CDC42BPB: variants seen among roughly 807,000 people sequenced by gnomAD.
CDC42BPB encodes the protein serine/threonine-protein kinase MRCK beta.
Under a neutral mutation model 214.9 loss-of-function variants are expected in CDC42BPB, and 37 were observed. That is an observed-to-expected ratio of 0.17 (90% CI 0.13 to 0.23). The LOEUF is 0.23. Ranked by LOEUF, CDC42BPB falls within the 10% of genes least tolerant of loss-of-function variation. CDC42BPB has a pLI of 1.00. For synonymous variants in CDC42BPB, 931 were observed against 884.0 expected (o/e 1.05, Z -0.94); for missense variants, 1,694 against 2,227.0 (o/e 0.76, Z 4.82).
At chr14:102,938,255 C>T (rs1271251959) in intron 35 of CDC42BPB, 51 bp downstream of exon 35, 6 of 1,598,370 alleles carry the variant, frequency 3.8e-6, no homozygotes, top group Non-Finnish European at 4.3e-6. Flanking sequence ...ATTCCAGCAC[C>T]CCCTACCCCC....
intron 6 of CDC42BPB, among the ~76,000 whole-genome samples, chr14:102,984,156 C>T (rs944939320): frequency 2.0e-5 from 3 of 152,216 alleles, no homozygotes; most frequent in African/African-American, 7.2e-5. Context: ...TCTGTCAATA[C>T]CCAAATACCA....
In CDC42BPB at chr14:102,938,097, G is replaced by A. The variant is rs762183290; in HGVS notation, c.5004+7C>T. ...TAGCCTCAGCACTGGACCTGGGCAA[G>A]TCTCACCTCTTTGTCAAAGTCCTGG... On this transcript the variant is annotated splice_region_variant and intron_variant, in intron 36 of 36. Transcript: ENST00000361246. The A allele has an allele frequency of 1.2e-6, 2 of 1,613,816 alleles. No individual in the cohort carries two copies. The highest frequency in any genetic ancestry group is 1.7e-6 in the Non-Finnish European group (2 of 1,179,920).
chr14:103,051,852 GT>G (rs202063784), intron 1 of CDC42BPB, among the ~76,000 whole-genome samples: 4 of 147,718 alleles, frequency 2.7e-5, no homozygotes, highest in Non-Finnish European at 3.0e-5. Context: ...GAGGTTTTTT[GT>G]TTTTTTTTTG....
At chr14:103,019,159 C>T (rs1886631407) in intron 1 of CDC42BPB, among the ~76,000 whole-genome samples, 1 of 152,154 alleles carries the variant, frequency 6.6e-6, no homozygotes, top group Non-Finnish European at 1.5e-5. Flanking sequence ...GTCTAGAACT[C>T]CTGGGCTCAA....
At chr14:103,003,727 A>G (rs1041406970) in intron 4 of CDC42BPB, among the ~76,000 whole-genome samples, 1 of 152,254 alleles carries the variant, frequency 6.6e-6, no homozygotes, top group East Asian at 1.9e-4. Flanking sequence ...AGAAAAAAAC[A>G]AAGTCCTTAC....
At chr14:102,998,375 G>C in intron 5 of CDC42BPB, among the ~76,000 whole-genome samples, 1 of 152,238 alleles carries the variant, frequency 6.6e-6, no homozygotes, top group East Asian at 1.9e-4. Flanking sequence ...ATAGTTACCT[G>C]ACCAAGTGTA....
Position 102,943,666 on chromosome 14 carries a change from C to A in CDC42BPB, c.4408+225G>T. Reference sequence around the variant, plus strand: ...GCTGAGGCCTCTGGAAGAACCGGCCCCATGTGCTCAGGGAGAGAGGTTGCT... The same window carrying A: ...GCTGAGGCCTCTGGAAGAACCGGCCACATGTGCTCAGGGAGAGAGGTTGCT... On this transcript the variant is annotated intron_variant, in intron 30 of 36. Coordinates refer to ENST00000361246, the MANE Select transcript of CDC42BPB (RefSeq NM_006035.4). This position sits in a 1 kb window ranked among gnomAD's most constrained non-coding sequence, Gnocchi z 4.6. The A allele has an allele frequency of 1.8e-6, 1 of 544,394 alleles. No homozygotes were observed. The allele number at this position is 544,394 out of a possible 1,614,324, so 33.7% of individuals were successfully genotyped here.
chr14:103,037,664 GGCCCAAAGCTAAGGGCTTTGTAAA>G (rs1472921526), intron 1 of CDC42BPB, among the ~76,000 whole-genome samples: 1 of 152,158 alleles, frequency 6.6e-6, no homozygotes, highest in African/African-American at 2.4e-5. Flanking sequence ...TCCAAGGACG[GGCCCAAAGCTAAGGGCTTTGTAAA>G]GCCCAAAGCT....
chr14:102,949,671 G>T, intron 26 of CDC42BPB, 94 bp downstream of exon 26: 1 of 1,488,794 alleles, frequency 6.7e-7, no homozygotes, highest in Non-Finnish European at 9.3e-7. Flanking sequence ...AAGTACTAAT[G>T]AGGTGAAAGA....
At chr14:103,039,024 T>C (rs1887833438) in intron 1 of CDC42BPB, among the ~76,000 whole-genome samples, 1 of 151,926 alleles carries the variant, frequency 6.6e-6, no homozygotes, top group Non-Finnish European at 1.5e-5. Flanking sequence ...TTAGATAATC[T>C]AGGTGAAATG....
intron 2 of CDC42BPB, among the ~76,000 whole-genome samples, chr14:103,010,757 C>A (rs1333795822): frequency 6.6e-6 from 1 of 152,214 alleles, no homozygotes; most frequent in Admixed American, 6.5e-5. Context: ...CTTGGCCAGG[C>A]GCGGTGGCTC....
chr14:102,935,024 A>AG (rs1250704829), intron 36 of CDC42BPB, among the ~76,000 whole-genome samples: 1 of 151,820 alleles, frequency 6.6e-6, no homozygotes, highest in East Asian at 1.9e-4. Flanking sequence ...AAAAAAAAAA[A>AG]AAAAAGAAAA....
At chr14:102,978,575 C>T (rs575567766) in intron 8 of CDC42BPB, among the ~76,000 whole-genome samples, 3 of 152,298 alleles carry the variant, frequency 2.0e-5, no homozygotes, top group South Asian at 2.1e-4. Context: ...CTGAGGACCC[C>T]GGACAGAGCC....
intron 1 of CDC42BPB, among the ~76,000 whole-genome samples, chr14:103,025,209 T>C (rs1056748492): frequency 4.6e-5 from 7 of 152,150 alleles, no homozygotes; most frequent in African/African-American, 1.7e-4. Flanking sequence ...GAACTGGTAA[T>C]TCAAGTAAGC....
chr14:102,961,530 A>AC (rs150777406), intron 20 of CDC42BPB, among the ~76,000 whole-genome samples: 1,977 of 123,690 alleles, frequency 0.016, 51 homozygotes, highest in African/African-American at 0.059. Flanking sequence ...AGATGGCAAA[A>AC]CCCCCCCCAC....
intron 18 of CDC42BPB, chr14:102,964,914 T>C (rs2139445573): frequency 2.7e-6 from 1 of 374,756 alleles, no homozygotes; most frequent in Non-Finnish European, 3.7e-6. Context: ...TGCAATTTCT[T>C]TTCTTTTCTT....
At chr14:103,048,108 G>A (rs1056285415) in intron 1 of CDC42BPB, among the ~76,000 whole-genome samples, 5 of 152,128 alleles carry the variant, frequency 3.3e-5, no homozygotes, top group Admixed American at 6.5e-5. Flanking sequence ...TAGCAGGCCC[G>A]CAGGACACCC....
At chr14:102,949,985 CTT>C in intron 25 of CDC42BPB, 81 bp from the exon 26 acceptor site, 1 of 1,576,584 alleles carries the variant, frequency 6.3e-7, no homozygotes, top group Admixed American at 1.8e-5. Flanking sequence ...TCACAATCTC[CTT>C]CCAGCTGCCA....
intron 5 of CDC42BPB, among the ~76,000 whole-genome samples, chr14:102,998,276 A>G (rs1894830449): frequency 6.6e-6 from 1 of 152,244 alleles, no homozygotes; most frequent in Admixed American, 6.5e-5. Flanking sequence ...ATCTAAAGCC[A>G]AAAAAGAAAA....
Sources: gnomAD v4.1 joint callset for allele counts (sites outside exome capture counted in the v4.1 genomes callset) on GRCh38, gnomAD v4.1.1 for gene constraint, Gnocchi (gnomAD v3.1) non-coding constraint, MANE v1.5 for transcripts, NCBI Gene and HGNC (gene_info 2026-07-23, HGNC 2026-07-21) for gene names.